The following AP2B1 variants were observed in gnomAD, a reference collection of about 807,000 sequenced individuals.
The protein encoded by AP2B1 is adaptor related protein complex 2 subunit beta 1, also known as AP-2 complex subunit beta.
AP2B1 carries 23 observed loss-of-function variants against 102.0 expected under a neutral mutation model. That is an observed-to-expected ratio of 0.23 (90% CI 0.16 to 0.32). The LOEUF (loss-of-function observed/expected upper bound fraction) is 0.32. Among genes scored for constraint, AP2B1 ranks in the 10% least tolerant of loss-of-function variants. The probability of loss-of-function intolerance (pLI) is 1.00; values close to 1 mark genes in which losing one functional copy is unlikely to be tolerated. For missense variants in AP2B1, 541 were observed against 1,157.4 expected (o/e 0.47, Z 7.73); for synonymous variants, 381 against 421.2 (o/e 0.90, Z 1.17).
intron 18 of AP2B1, among the ~76,000 whole-genome samples, chr17:35,698,830 G>A (rs1264542800): frequency 6.6e-6 from 1 of 152,178 alleles, no homozygotes; most frequent in Non-Finnish European, 1.5e-5. Flanking sequence ...TGACCTTGCT[G>A]TGCTTTGGAC....
At position 35,627,645 on chromosome 17, in the gene AP2B1, G is replaced by A. The variant is rs768852829; in HGVS notation, c.1074G>A (p.Leu358=). The A allele has an allele frequency of 1.0e-4, 162 of 1,613,958 alleles. No individual in the cohort carries two copies. Among genetic ancestry groups the A allele is most frequent in the Non-Finnish European group, 1.3e-4 (159 of 1,179,990 alleles). The part of the protein sequence containing the change: ...QANIAQVLAE[L]KEYATEVDVD... Reference sequence around the variant, plus strand: ...GGGTTTAACAGGTTCTGGCAGAACTGAAAGAATATGCTACAGAGGTGGATG... The same window carrying A: ...GGGTTTAACAGGTTCTGGCAGAACTAAAAGAATATGCTACAGAGGTGGATG... The change falls in exon 9 of 22, where the codon CTG becomes CTA. Residue 358 remains leucine, a synonymous_variant. Transcript: ENST00000610402.
At chr17:35,656,083 T>C (rs893183387) in intron 13 of AP2B1, among the ~76,000 whole-genome samples, 1 of 152,266 alleles carries the variant, frequency 6.6e-6, no homozygotes, top group Non-Finnish European at 1.5e-5. Context: ...ATGGTGTCAT[T>C]GGAAGACATG....
In AP2B1 at chr17:35,709,085, G is replaced by A. The variant is rs117486531; in HGVS notation, c.2455-139G>A. 5.6e-4 allele frequency: 396 copies of A among 707,172 alleles called. No homozygotes were observed. The East Asian group carries it at 8.3e-3, about 15-fold the overall frequency. The allele number at this position is 707,172 out of a possible 1,614,324, so 43.8% of individuals were successfully genotyped here. A position where few individuals can be genotyped will look rare whatever the true frequency, so the allele number is the denominator to read the frequency against. The stretch of plus-strand genomic sequence containing the variant: ...GGTGTGCTTTGCAGTATATGGGCCA[G>A]TTTGTTTGATTTGGGGAGACCTGCA... On this transcript the variant is annotated intron_variant, in intron 18 of 21. Coordinates refer to ENST00000610402, the MANE Select transcript of AP2B1 (RefSeq NM_001030006.2).
intron 21 of AP2B1, among the ~76,000 whole-genome samples, chr17:35,722,977 G>A (rs782036853): frequency 1.2e-4 from 19 of 152,130 alleles, no homozygotes; most frequent in Non-Finnish European, 1.3e-4. Context: ...TGGTAGAGGG[G>A]TATCAGAGGT....
chr17:35,614,655 TAAAAAAAA>T (rs3031833), intron 5 of AP2B1, among the ~76,000 whole-genome samples: 3 of 93,158 alleles, frequency 3.2e-5, no homozygotes, highest in African/African-American at 8.6e-5. Context: ...GTTGAATTAG[TAAAAAAAA>T]AAAAAAAAAA....
chr17:35,607,960 C>G, intron 4 of AP2B1, 182 bp from the exon 5 acceptor site: 1 of 694,918 alleles, frequency 1.4e-6, no homozygotes, highest in Non-Finnish European at 2.3e-6. Context: ...TTCACCTAAA[C>G]TCTTAAATAG....
At chr17:35,644,544 A>AT (rs556891338) in intron 12 of AP2B1, among the ~76,000 whole-genome samples, 2,840 of 135,888 alleles carry the variant, frequency 0.021, 66 homozygotes, top group African/African-American at 0.062. Context: ...CGCCCAGCTA[A>AT]TTTTTTTTTT....
intron 14 of AP2B1, among the ~76,000 whole-genome samples, chr17:35,669,723 AG>A (rs2075546493): frequency 6.6e-6 from 1 of 152,230 alleles, no homozygotes; most frequent in South Asian, 2.1e-4. Flanking sequence ...CTGTTCATTG[AG>A]AAGATAAATC....
chr17:35,625,382 G>A (rs225252), intron 6 of AP2B1, among the ~76,000 whole-genome samples: 132,438 of 152,212 alleles, frequency 0.87, 58,016 homozygotes, highest in African/African-American at 0.97. Context: ...TTGTCCCTCT[G>A]GACTGAACTA....
chr17:35,618,716 C>T (rs528360542), intron 5 of AP2B1, among the ~76,000 whole-genome samples: 2 of 151,844 alleles, frequency 1.3e-5, no homozygotes, highest in African/African-American at 2.4e-5. Context: ...TTTGAGAGTC[C>T]TTTTTTTTAC....
At chr17:35,707,456 C>T (rs1397376003) in intron 18 of AP2B1, among the ~76,000 whole-genome samples, 1 of 88,184 alleles carries the variant, frequency 1.1e-5, no homozygotes, top group African/African-American at 4.3e-5. Flanking sequence ...CGGCTTCCCC[C>T]CTTTTTTTTT....
intron 10 of AP2B1, among the ~76,000 whole-genome samples, chr17:35,638,198 C>T (rs1439359747): frequency 6.6e-6 from 1 of 152,058 alleles, no homozygotes; most frequent in Non-Finnish European, 1.5e-5. Context: ...GAAATGTATC[C>T]ATTTCTGGTT....
intron 13 of AP2B1, among the ~76,000 whole-genome samples, chr17:35,653,731 C>T (rs2075147209): frequency 6.6e-6 from 1 of 152,086 alleles, no homozygotes; most frequent in Non-Finnish European, 1.5e-5. Flanking sequence ...CTGCCTTGGC[C>T]TCCCAAAGTG....
intron 13 of AP2B1, among the ~76,000 whole-genome samples, chr17:35,653,898 A>G (rs2075152510): frequency 6.6e-6 from 1 of 152,012 alleles, no homozygotes; most frequent in African/African-American, 2.4e-5. Flanking sequence ...TTTCTTACTT[A>G]TCTTAACAGA....
At chr17:35,649,848 ACCT>A (rs1319730084) in intron 12 of AP2B1, among the ~76,000 whole-genome samples, 2 of 151,940 alleles carry the variant, frequency 1.3e-5, no homozygotes, top group African/African-American at 4.8e-5. Flanking sequence ...TGCAGCCTCA[ACCT>A]CCTGGGCTCA....
chr17:35,693,817 A>T (rs587649872), intron 18 of AP2B1, among the ~76,000 whole-genome samples: 2 of 152,110 alleles, frequency 1.3e-5, no homozygotes, highest in Non-Finnish European at 2.9e-5. Context: ...TATGTATATG[A>T]CCTTCTTCCC....
At chr17:35,654,104 C>T (rs969434617) in intron 13 of AP2B1, among the ~76,000 whole-genome samples, 2 of 151,824 alleles carry the variant, frequency 1.3e-5, no homozygotes, top group Admixed American at 6.6e-5. Flanking sequence ...CTCTGTCTCC[C>T]AGGCTAGAGT....
At chr17:35,653,039 T>A (rs1402514670) in intron 13 of AP2B1, among the ~76,000 whole-genome samples, 1 of 152,230 alleles carries the variant, frequency 6.6e-6, no homozygotes, top group Non-Finnish European at 1.5e-5. Context: ...CTGTCTTTAA[T>A]CTTTGCAGTT....
chr17:35,711,757 C>T (rs1357535449), intron 20 of AP2B1, among the ~76,000 whole-genome samples: 2 of 152,240 alleles, frequency 1.3e-5, no homozygotes, highest in Non-Finnish European at 2.9e-5. Flanking sequence ...AGGCATGAGC[C>T]ACTGCACCCA....
Sources: allele counts gnomAD v4.1 joint callset (sites outside exome capture counted in the v4.1 genomes callset), GRCh38; gene constraint gnomAD v4.1.1; transcripts MANE v1.5; gene names NCBI Gene and HGNC (gene_info 2026-07-23, HGNC 2026-07-21).